The following ACER3 variants were observed in gnomAD, a reference collection of about 807,000 sequenced individuals.
ACER3 encodes the protein alkaline ceramidase 3.
A neutral mutation model predicts 48.9 loss-of-function variants in ACER3; 16 were observed. That is an observed-to-expected ratio of 0.33 (90% CI 0.22 to 0.50). The LOEUF (loss-of-function observed/expected upper bound fraction) is 0.50. ACER3 is among the 20% of genes least tolerant of loss of function. The pLI is 0.98. For synonymous variants in ACER3, 109 were observed against 107.8 expected (o/e 1.01, Z -0.07); for missense variants, 227 against 326.0 (o/e 0.70, Z 2.34).
At position 76,940,889 on chromosome 11, in the gene ACER3, GA is replaced by G. The variant is rs543998352; in HGVS notation, c.214+14229del. ...GGGAATGTTCGATGGATAAGTGAATGAAAAAAATGAATGCTTTATTTTAAAC... is the reference window on the plus strand; with the variant it reads ...GGGAATGTTCGATGGATAAGTGAATGAAAAAATGAATGCTTTATTTTAAAC... On this transcript the variant is annotated intron_variant, in intron 2 of 10. Coordinates refer to ENST00000532485, the MANE Select transcript of ACER3 (RefSeq NM_018367.7). 5.7e-3 allele frequency among the ~76,000 whole-genome samples: 865 copies of G among 152,056 alleles called. 11 individuals carry two copies. The highest frequency in any genetic ancestry group is 0.02 in the African/African-American group (814 of 41,504).
At chr11:76,935,930 C>T (rs970615541) in intron 2 of ACER3, among the ~76,000 whole-genome samples, 6 of 152,178 alleles carry the variant, frequency 3.9e-5, no homozygotes, top group African/African-American at 1.4e-4. Context: ...TTCTACCAGC[C>T]ACACTGTACT....
At position 77,020,607 on chromosome 11, in the gene ACER3, G is replaced by T; in HGVS notation, c.*280G>T. 1 of 349,678 alleles carries T rather than the reference G, an allele frequency of 2.9e-6. No homozygotes were observed. The highest frequency in any genetic ancestry group is 5.2e-6 in the Non-Finnish European group (1 of 190,996). 21.7% of individuals were successfully genotyped at this position (349,678 alleles called of 1,614,324 possible). A position where few individuals can be genotyped will look rare whatever the true frequency, so the allele number is the denominator to read the frequency against. On this transcript the variant is annotated 3_prime_UTR_variant, in exon 11 of 11. Transcript: ENST00000532485. ...TATGCCTCAAATGCAGAAACAGTTG[G>T]GCTTTTCTTAACAGGTTAACAGTTT...
At position 76,865,921 on chromosome 11, in the gene ACER3, A is replaced by T. The variant is rs184193455; in HGVS notation, c.103+4842A>T. On this transcript the variant is annotated intron_variant, in intron 1 of 10. Transcript: ENST00000532485. ...AACCTGTGCCTCCTGGGCTCAAGCAATCCTCCCAGCTCAGGCTCCCAAGTA... is the reference window on the plus strand; with the variant it reads ...AACCTGTGCCTCCTGGGCTCAAGCATTCCTCCCAGCTCAGGCTCCCAAGTA... Among the ~76,000 whole-genome samples the T allele has an allele frequency of 5.1e-3, 762 of 150,692 alleles. 4 individuals carry two copies. The highest frequency in any genetic ancestry group is 7.1e-3 in the Non-Finnish European group (482 of 67,762).
intron 1 of ACER3, among the ~76,000 whole-genome samples, chr11:76,890,752 C>T (rs928045862): frequency 1.3e-5 from 2 of 151,942 alleles, no homozygotes; most frequent in African/African-American, 4.8e-5. Flanking sequence ...ATTTTTTTCC[C>T]AGTATGTTAT....
intron 1 of ACER3, among the ~76,000 whole-genome samples, chr11:76,886,127 G>A (rs1945665305): frequency 1.3e-5 from 2 of 152,202 alleles, no homozygotes; most frequent in Admixed American, 6.5e-5. Context: ...GTTAAGGAAG[G>A]CTTCTCTGAG....
intron 4 of ACER3, among the ~76,000 whole-genome samples, chr11:76,983,222 A>G (rs1174868342): frequency 6.6e-6 from 1 of 151,696 alleles, no homozygotes; most frequent in Non-Finnish European, 1.5e-5. Flanking sequence ...GTGGTTCTTT[A>G]ATTTATCCAA....
chr11:76,872,371 C>T (rs1353137270), intron 1 of ACER3, among the ~76,000 whole-genome samples: 1 of 152,138 alleles, frequency 6.6e-6, no homozygotes, highest in African/African-American at 2.4e-5. Flanking sequence ...CCACCACACC[C>T]AGTCTTGAAG....
At chr11:76,974,740 G>A (rs918593404) in intron 3 of ACER3, among the ~76,000 whole-genome samples, 12 of 150,376 alleles carry the variant, frequency 8.0e-5, no homozygotes, top group Non-Finnish European at 1.5e-4. Context: ...GTGAGGGAGA[G>A]AAGGGATATA....
intron 1 of ACER3, among the ~76,000 whole-genome samples, chr11:76,863,068 A>C (rs11236981): frequency 0.11 from 16,037 of 152,194 alleles, 1,054 homozygotes; most frequent in East Asian, 0.35. Flanking sequence ...TCCATAAAAA[A>C]TAAAAAAAAT....
chr11:76,976,454 A>C, intron 4 of ACER3, 113 bp downstream of exon 4: 2 of 615,014 alleles, frequency 3.3e-6, no homozygotes, highest in Non-Finnish European at 5.4e-6. Flanking sequence ...ATAATGTAGA[A>C]GATTATAAAT....
intron 5 of ACER3, 74 bp downstream of exon 5, chr11:76,985,798 C>T: frequency 4.7e-6 from 4 of 857,190 alleles, no homozygotes; most frequent in Non-Finnish European, 6.9e-6. Context: ...ATTTTACTTC[C>T]AGTATTTGCT....
chr11:76,898,407 G>A (rs1248000629), intron 1 of ACER3, among the ~76,000 whole-genome samples: 2 of 152,120 alleles, frequency 1.3e-5, no homozygotes, highest in South Asian at 4.1e-4. Context: ...GGGTCTTGCT[G>A]TATTGCCCAG....
intron 4 of ACER3, among the ~76,000 whole-genome samples, chr11:76,983,556 C>G (rs1428986020): frequency 6.6e-6 from 1 of 152,162 alleles, no homozygotes; most frequent in Non-Finnish European, 1.5e-5. Flanking sequence ...CTCAAGCAAT[C>G]TTCCTGCCTC....
At chr11:76,947,977 T>C (rs375486619) in intron 2 of ACER3, among the ~76,000 whole-genome samples, 35 of 152,298 alleles carry the variant, frequency 2.3e-4, no homozygotes, top group African/African-American at 7.9e-4. Flanking sequence ...GCCAGGTACG[T>C]AGCTTGGTAG....
intron 1 of ACER3, chr11:76,868,391 CTG>C (rs1166994217): frequency 0.083 from 14,406 of 174,376 alleles, 1,100 homozygotes; most frequent in African/African-American, 0.26. Flanking sequence ...CTCTCTCTCT[CTG>C]TGTGTGTGTG....
At chr11:76,993,367 T>G (rs1467186167) in intron 6 of ACER3, among the ~76,000 whole-genome samples, 1 of 152,228 alleles carries the variant, frequency 6.6e-6, no homozygotes. Flanking sequence ...AAACACTCAA[T>G]AAATGTTAAC....
Position 77,019,720 on chromosome 11 carries a change from T to G in ACER3, c.705-11T>G, listed in dbSNP as rs1949439837. The G allele has an allele frequency of 6.2e-7, 1 of 1,613,712 alleles. No individual in the cohort carries two copies. Among genetic ancestry groups the G allele is most frequent in the East Asian group, 2.2e-5 (1 of 44,864 alleles). On this transcript the variant is annotated splice_polypyrimidine_tract_variant and intron_variant, in intron 9 of 10. Transcript: ENST00000532485. ...ATCTGAAAAGCTTTCCCCCTCCCACTTTTCTTTCAGTTTGTATACAAGAAC... is the reference window on the plus strand; with the variant it reads ...ATCTGAAAAGCTTTCCCCCTCCCACGTTTCTTTCAGTTTGTATACAAGAAC...
chr11:76,981,548 C>G (rs1187113114), intron 4 of ACER3, among the ~76,000 whole-genome samples: 1 of 152,188 alleles, frequency 6.6e-6, no homozygotes, highest in Non-Finnish European at 1.5e-5. Context: ...AATACTGACA[C>G]CTACCCTGGC....
chr11:76,938,693 C>G (rs560522185), intron 2 of ACER3, among the ~76,000 whole-genome samples: 12 of 151,920 alleles, frequency 7.9e-5, no homozygotes, highest in African/African-American at 1.5e-4. Flanking sequence ...TTTGGATGAG[C>G]GAAGGCAAGG....
Sources: gnomAD v4.1 joint callset for allele counts (sites outside exome capture counted in the v4.1 genomes callset) on GRCh38, gnomAD v4.1.1 for gene constraint, MANE v1.5 for transcripts, NCBI Gene and HGNC (gene_info 2026-07-23, HGNC 2026-07-21) for gene names.